STXBP5: variants seen among roughly 807,000 people sequenced by gnomAD.
STXBP5 encodes the protein syntaxin binding protein 5, also known as syntaxin-binding protein 5.
STXBP5 carries 50 observed loss-of-function variants against 152.4 expected under a neutral mutation model. The observed-to-expected ratio is 0.33, with a 90% CI of 0.26 to 0.42. The LOEUF (loss-of-function observed/expected upper bound fraction) is 0.42, where lower values mean the gene tolerates loss of function less well. STXBP5 is among the 10% of genes least tolerant of loss of function. The probability of loss-of-function intolerance (pLI) is 1.00; values close to 1 mark genes in which losing one functional copy is unlikely to be tolerated. For missense variants in STXBP5, 1,167 were observed against 1,388.6 expected (o/e 0.84, Z 2.54); for synonymous variants, 492 against 494.7 (o/e 0.99, Z 0.07).
At chr6:147,237,761 G>A (rs989060120) in intron 3 of STXBP5, among the ~76,000 whole-genome samples, 1 of 152,146 alleles carries the variant, frequency 6.6e-6, no homozygotes, top group Admixed American at 6.5e-5. Flanking sequence ...ATCTTGTCCT[G>A]ACAGCTGTTT....
At chr6:147,248,720 C>A (rs1778940336) in intron 4 of STXBP5, among the ~76,000 whole-genome samples, 1 of 152,144 alleles carries the variant, frequency 6.6e-6, no homozygotes. Context: ...CTTTGATGTA[C>A]ACATAGCTAT....
chr6:147,311,700 T>C (rs1782385508), intron 11 of STXBP5, among the ~76,000 whole-genome samples, 173 bp downstream of exon 11: 1 of 152,178 alleles, frequency 6.6e-6, no homozygotes, highest in South Asian at 2.1e-4. Context: ...TTCTCTATTA[T>C]GTTGAATCTC....
At chr6:147,352,363 C>T (rs766881600) in intron 21 of STXBP5, among the ~76,000 whole-genome samples, 28 of 152,322 alleles carry the variant, frequency 1.8e-4, no homozygotes, top group Admixed American at 5.2e-4. Flanking sequence ...CAGCCAGGCA[C>T]GGTGGGTCAC....
At position 147,387,213 on chromosome 6, in the gene STXBP5, C is replaced by T. The variant is rs1463451427; in HGVS notation, c.*2458C>T. On this transcript the variant is annotated 3_prime_UTR_variant, in exon 28 of 28. Transcript: ENST00000321680. Reference sequence around the variant, plus strand: ...GAGACAGTCTACAGTAATAACTAACCCAGGGAATTTACTGTAATTTGAGAG... The same window carrying T: ...GAGACAGTCTACAGTAATAACTAACTCAGGGAATTTACTGTAATTTGAGAG... The T allele has an allele frequency of 6.6e-6, 1 of 151,210 alleles. No homozygotes were observed. The highest frequency in any genetic ancestry group is 1.5e-5 in the Non-Finnish European group (1 of 67,612). 9.4% of individuals were successfully genotyped at this position (151,210 alleles called of 1,614,324 possible). A position where few individuals can be genotyped will look rare whatever the true frequency, so the allele number is the denominator to read the frequency against.
chr6:147,205,853 A>G (rs1234437111), intron 1 of STXBP5, 118 bp from the exon 2 acceptor site: 2 of 676,752 alleles, frequency 3.0e-6, no homozygotes, highest in African/African-American at 3.6e-5. Context: ...CAGTAAGTGC[A>G]TGTGTATGTG....
At chr6:147,364,651 A>G (rs1785212630) in intron 25 of STXBP5, among the ~76,000 whole-genome samples, 2 of 152,184 alleles carry the variant, frequency 1.3e-5, no homozygotes, top group Non-Finnish European at 2.9e-5. Context: ...ACTATATACA[A>G]ATTCTTTATA....
At chr6:147,235,481 G>A (rs1181486471) in intron 3 of STXBP5, 150 bp downstream of exon 3, 3 of 649,576 alleles carry the variant, frequency 4.6e-6, no homozygotes, top group African/African-American at 1.8e-5. Context: ...TTCGTTTTAA[G>A]GTACCGTCAT....
At chr6:147,266,434 G>GA (rs1779897293) in intron 6 of STXBP5, among the ~76,000 whole-genome samples, 1 of 152,040 alleles carries the variant, frequency 6.6e-6, no homozygotes, top group South Asian at 2.1e-4. Context: ...TAGAGATGGA[G>GA]AGAAGTAAAT....
At chr6:147,248,280 C>CAAA (rs753458821) in intron 4 of STXBP5, among the ~76,000 whole-genome samples, 27 of 52,576 alleles carry the variant, frequency 5.1e-4, no homozygotes, top group African/African-American at 1.6e-3. Flanking sequence ...GACTCCATCT[C>CAAA]AAAAAAAAAA....
chr6:147,309,701 C>T (rs1340367027), intron 9 of STXBP5, among the ~76,000 whole-genome samples: 1 of 151,978 alleles, frequency 6.6e-6, no homozygotes, highest in Non-Finnish European at 1.5e-5. Context: ...ACAATGGATG[C>T]CTCAAGGCAT....
chr6:147,295,556 A>G (rs1335425644), intron 9 of STXBP5, among the ~76,000 whole-genome samples: 6 of 152,156 alleles, frequency 3.9e-5, no homozygotes, highest in African/African-American at 1.4e-4. Flanking sequence ...CCAATTCCCC[A>G]TGGAGTATGG....
intron 2 of STXBP5, among the ~76,000 whole-genome samples, chr6:147,216,596 A>G (rs1333427549): frequency 6.6e-6 from 1 of 152,216 alleles, no homozygotes; most frequent in East Asian, 1.9e-4. Context: ...ATCCAGTAGC[A>G]GTAAATATAG....
chr6:147,236,548 A>T (rs771276514), intron 3 of STXBP5, among the ~76,000 whole-genome samples: 1 of 151,952 alleles, frequency 6.6e-6, no homozygotes, highest in Non-Finnish European at 1.5e-5. Flanking sequence ...TATTAACTAG[A>T]CTATAGACCT....
intron 4 of STXBP5, among the ~76,000 whole-genome samples, chr6:147,258,146 G>C (rs1042353913): frequency 6.6e-5 from 10 of 152,148 alleles, no homozygotes; most frequent in African/African-American, 2.4e-4. Context: ...TAATTCATTG[G>C]CGCATGCAAG....
intron 4 of STXBP5, among the ~76,000 whole-genome samples, chr6:147,252,676 C>T (rs573826360): frequency 3.9e-4 from 60 of 152,238 alleles, no homozygotes; most frequent in Non-Finnish European, 7.2e-4. Context: ...AGAAGAACTT[C>T]CCCAACCTAG....
At chr6:147,322,132 G>A (rs1246404148) in intron 16 of STXBP5, among the ~76,000 whole-genome samples, 1 of 152,154 alleles carries the variant, frequency 6.6e-6, no homozygotes, top group African/African-American at 2.4e-5. Flanking sequence ...TAATATGCCA[G>A]AGGGAGGGAG....
At chr6:147,304,898 C>T (rs1371246915) in intron 9 of STXBP5, among the ~76,000 whole-genome samples, 1 of 152,010 alleles carries the variant, frequency 6.6e-6, no homozygotes, top group Non-Finnish European at 1.5e-5. Flanking sequence ...TGGAATTTAC[C>T]CAATGCCTGT....
chr6:147,346,564 C>T (rs966506913), intron 21 of STXBP5, among the ~76,000 whole-genome samples: 1 of 151,962 alleles, frequency 6.6e-6, no homozygotes, highest in Non-Finnish European at 1.5e-5. Context: ...CATGGTAAAC[C>T]CCGTCCCTCA....
intron 16 of STXBP5, 94 bp from the exon 17 acceptor site, chr6:147,324,861 TTAAG>T: frequency 9.3e-7 from 1 of 1,073,786 alleles, no homozygotes; most frequent in South Asian, 3.8e-5. Context: ...TTTTATATAT[TTAAG>T]TATCTAGTAT....
Sources: allele counts gnomAD v4.1 joint callset (sites outside exome capture counted in the v4.1 genomes callset), GRCh38; gene constraint gnomAD v4.1.1; transcripts MANE v1.5; gene names NCBI Gene and HGNC (gene_info 2026-07-23, HGNC 2026-07-21).